SLC44A2: variants seen among roughly 807,000 people sequenced by gnomAD.
The protein encoded by SLC44A2 is choline transporter-like protein 2.
A neutral mutation model predicts 90.8 loss-of-function variants in SLC44A2; 57 were observed. That is an observed-to-expected ratio of 0.63 (90% CI 0.51 to 0.78). The LOEUF (loss-of-function observed/expected upper bound fraction) is 0.78, where lower values mean the gene tolerates loss of function less well. Among genes scored for constraint, SLC44A2 ranks in the 30% least tolerant of loss-of-function variants. The pLI is 0.00. For synonymous variants in SLC44A2, 355 were observed against 360.7 expected (o/e 0.98, Z 0.18); for missense variants, 794 against 919.7 (o/e 0.86, Z 1.77).
intron 10 of SLC44A2, 104 bp downstream of exon 10, chr19:10,632,260 G>A: frequency 2.9e-6 from 3 of 1,017,072 alleles, no homozygotes; most frequent in South Asian, 1.4e-5. Flanking sequence ...AGTCAGGCCG[G>A]GCGTGGTGGC....
intron 10 of SLC44A2, among the ~76,000 whole-genome samples, chr19:10,634,464 C>CAAA (rs57865437): frequency 9.9e-6 from 1 of 101,140 alleles, no homozygotes; most frequent in Non-Finnish European, 2.2e-5. Flanking sequence ...AACTCCGTCT[C>CAAA]AAAAAAAAAA....
At chr19:10,618,958 C>CT (rs772955506) in intron 1 of SLC44A2, among the ~76,000 whole-genome samples, 4,328 of 100,018 alleles carry the variant, frequency 0.043, 89 homozygotes, top group East Asian at 0.096. Context: ...GTATACAATT[C>CT]TTTTTTTTTT....
In SLC44A2 at chr19:10,638,095, T is replaced by C; in HGVS notation, c.1840+2T>C. ...AACTTCTGATCGTTGGTAGTGTGGGTGAGTGCCGCCCACCTAGCCTCTCGG... is the reference window on the plus strand; with the variant it reads ...AACTTCTGATCGTTGGTAGTGTGGGCGAGTGCCGCCCACCTAGCCTCTCGG... On this transcript the variant is annotated splice_donor_variant, in intron 19 of 21. Coordinates refer to ENST00000335757, the MANE Select transcript of SLC44A2 (RefSeq NM_020428.4). LOFTEE classifies it high-confidence loss of function. The C allele has an allele frequency of 6.2e-7, 1 of 1,613,648 alleles. No individual in the cohort carries two copies. Among genetic ancestry groups the C allele is most frequent in the African/African-American group, 1.3e-5 (1 of 74,836 alleles).
At chr19:10,641,715 G>A (rs1332520157) in intron 20 of SLC44A2, among the ~76,000 whole-genome samples, 2 of 151,990 alleles carry the variant, frequency 1.3e-5, no homozygotes, top group African/African-American at 4.8e-5. Context: ...GCACAGTGGT[G>A]CACATCTGTA....
intron 14 of SLC44A2, 143 bp downstream of exon 14, chr19:10,635,658 T>C (rs1266556602): frequency 7.0e-6 from 5 of 716,118 alleles, no homozygotes; most frequent in South Asian, 1.8e-5. Flanking sequence ...GGACGCACAG[T>C]GGGGAAGAGA....
rs1475748904 is a variant in SLC44A2, at chr19:10,632,033, C to T, written c.711-11C>T. The T allele has an allele frequency of 6.2e-6, 10 of 1,614,014 alleles. No individual in the cohort carries two copies. The highest frequency in any genetic ancestry group is 7.6e-6 in the Non-Finnish European group (9 of 1,179,966). ...GGTGGAGTCTGTTCATGACCGTTTT[C>T]TTTTCCCCAGAGGCCTGGTCATTGC... On this transcript the variant is annotated splice_polypyrimidine_tract_variant and intron_variant, in intron 9 of 21. Coordinates refer to ENST00000335757, the MANE Select transcript of SLC44A2 (RefSeq NM_020428.4).
chr19:10,615,276 A>T (rs1310229692), intron 1 of SLC44A2, among the ~76,000 whole-genome samples: 1 of 144,664 alleles, frequency 6.9e-6, no homozygotes, highest in South Asian at 2.2e-4. Flanking sequence ...TACCAAAAAT[A>T]AAAAAAAAAA....
chr19:10,632,736 G>T (rs1319196543), intron 10 of SLC44A2, among the ~76,000 whole-genome samples: 1 of 148,584 alleles, frequency 6.7e-6, no homozygotes, highest in Non-Finnish European at 1.5e-5. Context: ...GCCATGGCGC[G>T]ATCTTGGCTC....
At position 10,643,625 on chromosome 19, in the gene SLC44A2, C is replaced by T; in HGVS notation, c.*240C>T. The T allele has an allele frequency of 2.5e-6, 1 of 397,476 alleles. No individual in the cohort carries two copies. Among genetic ancestry groups the T allele is most frequent in the South Asian group, 3.2e-5 (1 of 30,982 alleles). 24.6% of individuals were successfully genotyped at this position (397,476 alleles called of 1,614,324 possible). A position where few individuals can be genotyped will look rare whatever the true frequency, so the allele number is the denominator to read the frequency against. ...AGACTGCGAGAAACAAGTAAAAACC[C>T]ATTGGGGCCTCTTGATGTCTGGGAT... On this transcript the variant is annotated 3_prime_UTR_variant, in exon 22 of 22. Coordinates refer to ENST00000335757, the MANE Select transcript of SLC44A2 (RefSeq NM_020428.4).
At chr19:10,613,731 CG>C (rs2066832441) in intron 1 of SLC44A2, among the ~76,000 whole-genome samples, 1 of 151,964 alleles carries the variant, frequency 6.6e-6, no homozygotes, top group Non-Finnish European at 1.5e-5. Flanking sequence ...GGACATGGAA[CG>C]ACGGAAGCGA....
chr19:10,621,010 G>A (rs1034073955), upstream of SLC44A2, among the ~76,000 whole-genome samples: 19 of 152,096 alleles, frequency 1.2e-4, no homozygotes, highest in African/African-American at 4.6e-4. Context: ...CTGCATTCCA[G>A]GCTGAGTGAC....
chr19:10,606,940 C>T (rs1312205869), intron 1 of SLC44A2, among the ~76,000 whole-genome samples: 6 of 130,460 alleles, frequency 4.6e-5, no homozygotes, highest in Non-Finnish European at 7.9e-5. Context: ...GAGACGGAGT[C>T]TCGCTCTGTC....
intron 10 of SLC44A2, among the ~76,000 whole-genome samples, chr19:10,633,971 C>CCATTTTTT: frequency 2.2e-5 from 1 of 45,976 alleles, no homozygotes; most frequent in Non-Finnish European, 3.6e-5. Flanking sequence ...AACCCCATCT[C>CCATTTTTT]TATTTTTTTT....
rs150981195 is a variant in SLC44A2 at position 10,628,003 on chromosome 19, G to A, written c.244G>A (p.Glu82Lys). Reference sequence around the variant, plus strand: ...CTGCGGGCAGAAGGGCACAAAAAACGAGTGAGTTGACTCCTTGCGGCCTGG... The same window carrying A: ...CTGCGGGCAGAAGGGCACAAAAAACAAGTGAGTTGACTCCTTGCGGCCTGG... The part of the protein sequence containing the change: ...EFCGQKGTKN[E>K]NKPYLFYFNI... The change falls in exon 4 of 22, where the codon GAG becomes AAG. Residue 82 changes from glutamate to lysine, a missense_variant and splice_region_variant. Coordinates refer to ENST00000335757, the MANE Select transcript of SLC44A2 (RefSeq NM_020428.4). 5.6e-6 allele frequency: 9 copies of A among 1,612,420 alleles called. No individual in the cohort carries two copies. In the African/African-American group the frequency reaches 6.7e-5, roughly 12 times the overall value.
intron 1 of SLC44A2, chr19:10,602,593 TG>T: frequency 1.6e-6 from 2 of 1,255,420 alleles, no homozygotes; most frequent in South Asian, 3.4e-5. Context: ...GGGCCGCCTC[TG>T]CTGACCTGCG....
upstream of SLC44A2, among the ~76,000 whole-genome samples, chr19:10,624,326 CAG>C (rs1258234233): frequency 5.3e-5 from 8 of 150,758 alleles, no homozygotes; most frequent in South Asian, 2.1e-4. Flanking sequence ...TTTTTGGAGA[CAG>C]AGTCTCACTC....
intron 1 of SLC44A2, among the ~76,000 whole-genome samples, chr19:10,614,450 C>T (rs1312463292): frequency 6.6e-6 from 1 of 152,086 alleles, no homozygotes; most frequent in Non-Finnish European, 1.5e-5. Flanking sequence ...TCAGGCTGGT[C>T]TCCAACTCCT....
intron 1 of SLC44A2, among the ~76,000 whole-genome samples, chr19:10,625,933 C>G (rs2066928733): frequency 6.6e-6 from 1 of 152,086 alleles, no homozygotes; most frequent in African/African-American, 2.4e-5. Context: ...CCTCCTTCCC[C>G]CTATCCCACC....
At chr19:10,609,645 T>C (rs1918227020) in intron 1 of SLC44A2, among the ~76,000 whole-genome samples, 1 of 151,992 alleles carries the variant, frequency 6.6e-6, no homozygotes, top group Admixed American at 6.6e-5. Flanking sequence ...TTAGTTTTTT[T>C]GTAGAGATAG....
Sources: allele counts gnomAD v4.1 joint callset (sites outside exome capture counted in the v4.1 genomes callset), GRCh38; gene constraint gnomAD v4.1.1; transcripts MANE v1.5; gene names NCBI Gene and HGNC (gene_info 2026-07-23, HGNC 2026-07-21).